Variants in RCSD1 observed in about 807,000 individuals in gnomAD.
RCSD1 encodes the protein capZ-interacting protein.
In RCSD1, 26 loss-of-function variants were observed where a neutral mutation model predicts 42.5. The observed-to-expected ratio is 0.61, with a 90% confidence interval of 0.45 to 0.85. RCSD1 has a LOEUF of 0.85. Among genes scored for constraint, RCSD1 ranks in the 40% least tolerant of loss-of-function variants. The pLI, the probability that RCSD1 is intolerant of heterozygous loss-of-function variation, is 0.00. For missense variants in RCSD1, 571 were observed against 528.3 expected, an observed-to-expected ratio of 1.08 and a Z score of -0.79; for synonymous variants, 220 against 212.2, an observed-to-expected ratio of 1.04 and a Z score of -0.32.
chr1:167,636,002 C>T (rs1312599505), intron 1 of RCSD1, among the ~76,000 whole-genome samples: 1 of 152,196 alleles, frequency 6.6e-6, no homozygotes, highest in African/African-American at 2.4e-5. Flanking sequence ...CAGGATTGCC[C>T]TAGGAATCTC....
intron 1 of RCSD1, among the ~76,000 whole-genome samples, chr1:167,683,652 C>G (rs555048543): frequency 6.6e-6 from 1 of 152,288 alleles, no homozygotes; most frequent in Admixed American, 6.5e-5. Context: ...GGGCACCCCT[C>G]CAGGACAGAA....
At chr1:167,634,802 T>C (rs768274639) in intron 1 of RCSD1, among the ~76,000 whole-genome samples, 57 of 152,212 alleles carry the variant, frequency 3.7e-4, no homozygotes, top group Non-Finnish European at 7.1e-4. Flanking sequence ...TTCCCAGATA[T>C]TATTTGTCAT....
At chr1:167,689,250 G>A (rs1659313165) in intron 3 of RCSD1, among the ~76,000 whole-genome samples, 1 of 152,160 alleles carries the variant, frequency 6.6e-6, no homozygotes, top group Non-Finnish European at 1.5e-5. Context: ...CACTTTGGGA[G>A]GTGGGTGGAT....
chr1:167,691,138 T>C (rs1311151966), intron 4 of RCSD1, among the ~76,000 whole-genome samples: 1 of 152,176 alleles, frequency 6.6e-6, no homozygotes, highest in Non-Finnish European at 1.5e-5. Context: ...GGCTGTCTCG[T>C]GCACGGCAAG....
chr1:167,635,570 T>C (rs1395333309), intron 1 of RCSD1, among the ~76,000 whole-genome samples: 1 of 152,204 alleles, frequency 6.6e-6, no homozygotes, highest in Non-Finnish European at 1.5e-5. Context: ...GTGGGAAATC[T>C]GAACACTGGC....
rs1657662428 is a variant in RCSD1, at chr1:167,630,305, G to T, written c.-119G>T. On this transcript the variant is annotated 5_prime_UTR_variant, in exon 1 of 7. Transcript: ENST00000367854. ...GCCGGGCGCGCGCCACCGCCCACTC[G>T]CCCTGTGCCCGCCGCAGCCCGAAAC... The T allele has an allele frequency of 6.9e-6, 8 of 1,162,878 alleles. No individual in the cohort carries two copies. The highest frequency in any genetic ancestry group is 7.7e-6 in the Non-Finnish European group (7 of 913,626). 72.0% of individuals were successfully genotyped at this position (1,162,878 alleles called of 1,614,324 possible).
At chr1:167,701,907 C>A (rs1015275336) in intron 6 of RCSD1, among the ~76,000 whole-genome samples, 1 of 152,204 alleles carries the variant, frequency 6.6e-6, no homozygotes, top group African/African-American at 2.4e-5. Flanking sequence ...CTTCCTCAGG[C>A]ACCCATGTCT....
chr1:167,672,014 T>A (rs1411749933), intron 1 of RCSD1, among the ~76,000 whole-genome samples: 1 of 152,200 alleles, frequency 6.6e-6, no homozygotes, highest in Non-Finnish European at 1.5e-5. Context: ...TGTGTGCTCC[T>A]GCTGTGCATT....
In RCSD1 at chr1:167,648,760, T is replaced by C. The variant is rs1460420771; in HGVS notation, c.6+18331T>C. Among the ~76,000 whole-genome samples, 6 of 152,252 alleles carry C rather than the reference T, an allele frequency of 3.9e-5. No individual in the cohort carries two copies. In the East Asian group the frequency reaches 1.2e-3, roughly 29 times the overall value. On this transcript the variant is annotated intron_variant, in intron 1 of 6. Transcript: ENST00000367854. ...AAGAATCTCACCCACCAGTCAGGGA[T>C]GGAGGCAGAACACCAGAGGGTTTGG...
At chr1:167,693,116 T>A (rs1193612663) in intron 4 of RCSD1, among the ~76,000 whole-genome samples, 1 of 152,192 alleles carries the variant, frequency 6.6e-6, no homozygotes, top group Non-Finnish European at 1.5e-5. Flanking sequence ...GGAAAACCCA[T>A]GTACTTCCCA....
intron 5 of RCSD1, 32 bp downstream of exon 5, chr1:167,694,334 T>C: frequency 1.3e-6 from 2 of 1,595,110 alleles, no homozygotes; most frequent in Middle Eastern, 3.4e-4. Flanking sequence ...TGGCGGTGTG[T>C]CTGTGGAAAT....
At chr1:167,692,559 C>A (rs533412724) in intron 4 of RCSD1, among the ~76,000 whole-genome samples, 1 of 151,882 alleles carries the variant, frequency 6.6e-6, no homozygotes, top group East Asian at 1.9e-4. Flanking sequence ...TGCTTTGTTG[C>A]CCTGGATGGA....
rs60946887 is a variant in RCSD1, at chr1:167,693,394, G to A, written c.271-705G>A. Among the ~76,000 whole-genome samples the A allele has an allele frequency of 4.3e-3, 656 of 152,330 alleles. 7 individuals are homozygous for A. The highest frequency in any genetic ancestry group is 0.014 in the African/African-American group (595 of 41,572). ...CCTGAGGCTTTCGTTACCTTTGGGT[G>A]ACTCTCCCATTTGGCTGCCTTTCAT... On this transcript the variant is annotated intron_variant, in intron 4 of 6. Transcript: ENST00000367854.
At chr1:167,640,117 A>C (rs1243739730) in intron 1 of RCSD1, among the ~76,000 whole-genome samples, 1 of 152,212 alleles carries the variant, frequency 6.6e-6, no homozygotes, top group Non-Finnish European at 1.5e-5. Flanking sequence ...CAGGTGGAGA[A>C]TCTGATGCCA....
At position 167,697,111 on chromosome 1, in the gene RCSD1, G is replaced by A; in HGVS notation, c.487G>A (p.Gly163Ser). Residue 163 changes from glycine (G) to serine (S), a missense_variant, in exon 6 of 7, where the codon GGC becomes AGC. Transcript: ENST00000367854. ...CACTTTCTTCTAGGTGCGGACGAGG[G>A]GCTCAATAAAAAGGCGCCCTCCCTC... ...LPCYNKVRTR[G>S]SIKRRPPSRR... 2 of 1,612,622 alleles carry A rather than the reference G, an allele frequency of 1.2e-6. No homozygotes were observed. Among genetic ancestry groups the A allele is most frequent in the Non-Finnish European group, 1.7e-6 (2 of 1,179,294 alleles).
chr1:167,691,269 C>A (rs1054729236), intron 4 of RCSD1, among the ~76,000 whole-genome samples: 1 of 152,162 alleles, frequency 6.6e-6, no homozygotes, highest in Non-Finnish European at 1.5e-5. Context: ...GTCTCCCACC[C>A]CAGATCCCAG....
chr1:167,704,580 G>A lies in RCSD1; in HGVS notation c.1219-84G>A. On this transcript the variant is annotated intron_variant, in intron 6 of 6. Coordinates refer to ENST00000367854, the MANE Select transcript of RCSD1 (RefSeq NM_052862.4). ...ACTCCTACTGTTACTATTATTGCCAGATCCATCATCCCCAAGGAGGGATGC... is the reference window on the plus strand; with the variant it reads ...ACTCCTACTGTTACTATTATTGCCAAATCCATCATCCCCAAGGAGGGATGC... 3 of 1,148,218 alleles carry A rather than the reference G, an allele frequency of 2.6e-6. No homozygotes were observed. In the South Asian group the frequency reaches 3.8e-5, roughly 14 times the overall value. 71.1% of individuals were successfully genotyped at this position (1,148,218 alleles called of 1,614,324 possible).
In RCSD1 at chr1:167,684,017, T is replaced by C; in HGVS notation, c.108+16T>C. The C allele has an allele frequency of 1.3e-6, 2 of 1,598,482 alleles. No individual in the cohort carries two copies. Among genetic ancestry groups the C allele is most frequent in the Non-Finnish European group, 1.7e-6 (2 of 1,168,154 alleles). ...AGCCAAGGAGGTGAGTCAGGCCGCT[T>C]CAGAGCAGCCTCTTCAGCAGCGGGC... On this transcript the variant is annotated intron_variant, in intron 2 of 6. Coordinates refer to ENST00000367854, the MANE Select transcript of RCSD1 (RefSeq NM_052862.4).
intron 1 of RCSD1, among the ~76,000 whole-genome samples, chr1:167,655,319 C>G (rs1008492605): frequency 5.9e-5 from 9 of 152,140 alleles, no homozygotes; most frequent in Non-Finnish European, 1.2e-4. Context: ...ATGGCTCAAA[C>G]CAGATATCGC....
Sources: allele counts gnomAD v4.1 joint callset (sites outside exome capture counted in the v4.1 genomes callset), GRCh38; gene constraint gnomAD v4.1.1; transcripts MANE v1.5; gene names NCBI Gene and HGNC (gene_info 2026-07-23, HGNC 2026-07-21).